Variants in MPV17 observed in about 807,000 individuals in gnomAD.
The protein encoded by MPV17 is MPV17, mitochondrial inner membrane protein.
Under a neutral mutation model 28.6 loss-of-function variants are expected in MPV17, and 31 were observed. That is an observed-to-expected ratio of 1.08 (90% confidence interval 0.81 to 1.46). The LOEUF (loss-of-function observed/expected upper bound fraction) is 1.46. Among genes scored for constraint, MPV17 ranks in the 40% most tolerant of loss-of-function variants. The pLI, the probability that MPV17 is intolerant of heterozygous loss-of-function variation, is 0.00. For missense variants in MPV17, 198 were observed against 216.2 expected (o/e 0.92, Z 0.53); for synonymous variants, 87 against 85.3 (o/e 1.02, Z -0.11).
rs1453717560 is a variant in MPV17 at position 27,317,374 on chromosome 2, C to T, written c.71-4265G>A. 3 of 694,142 alleles carry T rather than the reference C, an allele frequency of 4.3e-6. No individual in the cohort carries two copies. The African/African-American group carries it at 5.5e-5, about 13-fold the overall frequency. The allele number at this position is 694,142 out of a possible 1,614,324, so 43.0% of individuals were successfully genotyped here. On this transcript the variant is annotated intron_variant, in intron 2 of 7. Transcript: ENST00000380044. The surrounding 1 kb of genome is among the most constrained non-coding windows in gnomAD (Gnocchi z 4.0). ...CTCCCATTTCTGACCTGAACCCATC[C>T]TACTGCTAGAAAATGAGACAAAACG...
chr2:27,312,591 T>C lies in MPV17; in HGVS notation c.280-2A>G, dbSNP rs748500676. 6.2e-7 allele frequency: 1 copy of C among 1,613,936 alleles called. No individual in the cohort carries two copies. The highest frequency in any genetic ancestry group is 8.5e-7 in the Non-Finnish European group (1 of 1,179,846). On this transcript the variant is annotated splice_acceptor_variant, in intron 4 of 7. Transcript: ENST00000380044. LOFTEE classifies it high-confidence loss of function. ...TAGAAAACACGGGGCAAAGCCCCCCTAGGGAAGAGAAATTAAAGTCCTATG... is the reference window on the plus strand; with the variant it reads ...TAGAAAACACGGGGCAAAGCCCCCCCAGGGAAGAGAAATTAAAGTCCTATG...
chr2:27,311,261 A>G (rs566235699), intron 7 of MPV17: 5 of 305,530 alleles, frequency 1.6e-5, no homozygotes, highest in South Asian at 1.2e-4. Flanking sequence ...AGGTCTCACT[A>G]TATTGCCCAG....
At chr2:27,313,243 A>C in intron 2 of MPV17, 134 bp from the exon 3 acceptor site, 4 of 1,546,582 alleles carry the variant, frequency 2.6e-6, no homozygotes, top group Non-Finnish European at 3.5e-6. Flanking sequence ...GAAACAAATG[A>C]CTAGTCCCTT....
At chr2:27,312,459 C>A in intron 5 of MPV17, 35 bp downstream of exon 5, 1 of 1,606,702 alleles carries the variant, frequency 6.2e-7, no homozygotes, top group Non-Finnish European at 8.5e-7. Context: ...GTCAGCCCGC[C>A]AGCCAGAGAC....
At chr2:27,321,026 A>G (rs1243359601) in intron 2 of MPV17, among the ~76,000 whole-genome samples, 1 of 152,222 alleles carries the variant, frequency 6.6e-6, no homozygotes, top group Non-Finnish European at 1.5e-5. Context: ...GGGCTCCAGC[A>G]CCAAGAGCCC....
At position 27,313,096 on chromosome 2, in the gene MPV17, G is replaced by A. The variant is rs1679521745; in HGVS notation, c.84C>T (p.Gly28=). 11 of 1,614,166 alleles carry A rather than the reference G, an allele frequency of 6.8e-6. No homozygotes were observed. Among genetic ancestry groups the A allele is most frequent in the Non-Finnish European group, 9.3e-6 (11 of 1,180,038 alleles). The part of the protein sequence containing the change: ...VQVLTAGSLM[G]LGDIISQQLV... ...GCTGCTGTGAGATAATGTCACCCAG[G>A]CCCATCAGGGACCCTATGCAGGGTA... Residue 28 remains glycine, a synonymous_variant, in exon 3 of 8, where the codon GGC becomes GGT. Transcript: ENST00000380044.
rs1558598795 is a variant in MPV17 at position 27,312,219 on chromosome 2, AG to A, written c.402del (p.Tyr135ThrfsTer9). The A allele has an allele frequency of 6.2e-7, 1 of 1,614,104 alleles. No individual in the cohort carries two copies. Among genetic ancestry groups the A allele is most frequent in the Non-Finnish European group, 8.5e-7 (1 of 1,179,916 alleles). On this transcript the variant is annotated frameshift_variant, in exon 6 of 8. Transcript: ENST00000380044. LOFTEE classifies it high-confidence loss of function. The part of the protein sequence containing the change: ...QRDYPDALIT[N>X]YYLWPAVQLA... ...GTTGAGGTGTCAGCTCTTACATAGT[AG>A]TTGGTGATAAGGGCATCAGGATAAT...
intron 2 of MPV17, chr2:27,313,312 C>G: frequency 2.4e-6 from 3 of 1,251,010 alleles, no homozygotes; most frequent in Non-Finnish European, 3.3e-6. Context: ...TGTATTCTGT[C>G]AGAAACTGGG....
At chr2:27,311,120 C>T (rs1679424484) in intron 7 of MPV17, 1 of 121,638 alleles carries the variant, frequency 8.2e-6, no homozygotes, top group Non-Finnish European at 1.6e-5. Flanking sequence ...TGCAGTGGCA[C>T]AATCTCAGTT....
chr2:27,322,440 A>G lies in MPV17; in HGVS notation c.70+8T>C, dbSNP rs755647054. The G allele has an allele frequency of 1.2e-6, 2 of 1,613,438 alleles. No individual in the cohort carries two copies. Among genetic ancestry groups the G allele is most frequent in the African/African-American group, 2.7e-5 (2 of 75,058 alleles). On this transcript the variant is annotated splice_region_variant and intron_variant, in intron 2 of 7. Coordinates refer to ENST00000380044, the MANE Select transcript of MPV17 (RefSeq NM_002437.5). ...CTGGTCCCACTCAAGTCCTAGAGGG[A>G]CACTCACCAGCTGTCAGGACCTGTA...
intron 2 of MPV17, chr2:27,315,694 T>TGGGATTGC (rs1195290110): frequency 5.8e-6 from 1 of 171,130 alleles, no homozygotes; most frequent in Admixed American, 6.1e-5. Flanking sequence ...CCTGAGTAGC[T>TGGGATTGC]GGGATTGCAG....
At chr2:27,321,365 G>A (rs1679852591) in intron 2 of MPV17, among the ~76,000 whole-genome samples, 7 of 152,186 alleles carry the variant, frequency 4.6e-5, no homozygotes, top group Admixed American at 4.6e-4. Context: ...CCCAGGGAAG[G>A]GCCAAAGAAT....
intron 2 of MPV17, 143 bp downstream of exon 2, chr2:27,322,305 C>A: frequency 1.3e-6 from 1 of 798,808 alleles, no homozygotes. Context: ...CCAAAACAGA[C>A]TGGGGACAGT....
chr2:27,316,370 A>AG (rs1442772131), intron 2 of MPV17, among the ~76,000 whole-genome samples: 1 of 152,180 alleles, frequency 6.6e-6, no homozygotes, highest in East Asian at 1.9e-4. Context: ...ATCAAGCCTG[A>AG]GGGACTACCA....
At chr2:27,316,287 G>C (rs1679647979) in intron 2 of MPV17, 4 of 1,378,184 alleles carry the variant, frequency 2.9e-6, no homozygotes, top group Non-Finnish European at 4.0e-6. Flanking sequence ...CCAAGTCCCT[G>C]ACTTCTAGCC....
chr2:27,319,879 T>C (rs1679789435), intron 2 of MPV17, among the ~76,000 whole-genome samples: 1 of 145,114 alleles, frequency 6.9e-6, no homozygotes, highest in Non-Finnish European at 1.5e-5. Context: ...TGAGCTGATA[T>C]AGCACCACCA....
At chr2:27,322,414 C>T (rs1257856277) in intron 2 of MPV17, 34 bp downstream of exon 2, 1 of 1,587,924 alleles carries the variant, frequency 6.3e-7, no homozygotes, top group East Asian at 2.2e-5. Context: ...ATCAGTCTGC[C>T]CTGGTCCCAC....
intron 2 of MPV17, among the ~76,000 whole-genome samples, chr2:27,320,941 G>C (rs1679834225): frequency 6.6e-6 from 1 of 152,154 alleles, no homozygotes; most frequent in Non-Finnish European, 1.5e-5. Flanking sequence ...AAAAGTGCTG[G>C]GAGGCTACAT....
Position 27,311,932 on chromosome 2 carries a change from A to C in MPV17, c.428T>G (p.Leu143Ter), listed in dbSNP as rs763400903. ...AAGGGGGACCAGGTAGAAGTTGGCT[A>C]ACTGCACAGCAGGCCATAGCTGCAA... ...TNYYLWPAVQ[L>*]ANFYLVPLHY... The change falls in exon 7 of 8, where the codon TTA (leucine) becomes TGA (stop). Residue 143 changes from leucine (L) to a stop codon, truncating the protein, a stop_gained. Coordinates refer to ENST00000380044, the MANE Select transcript of MPV17 (RefSeq NM_002437.5). LOFTEE classifies it high-confidence loss of function. 12 of 1,613,690 alleles carry C rather than the reference A, an allele frequency of 7.4e-6. No homozygotes were observed.
Sources: allele counts gnomAD v4.1 joint callset (sites outside exome capture counted in the v4.1 genomes callset), GRCh38; gene constraint gnomAD v4.1.1; non-coding constraint Gnocchi (gnomAD v3.1); transcripts MANE v1.5; gene names NCBI Gene and HGNC (gene_info 2026-07-23, HGNC 2026-07-21).